The following PDE5A variants were observed in gnomAD, a reference collection of about 807,000 sequenced individuals.
PDE5A encodes phosphodiesterase 5A.
Under a neutral mutation model 110.2 loss-of-function variants are expected in PDE5A, and 67 were observed. The ratio of observed to expected loss-of-function variants is 0.61; its 90% CI spans 0.50 to 0.75. The LOEUF (loss-of-function observed/expected upper bound fraction) is 0.75, where lower values mean the gene tolerates loss of function less well. Among genes scored for constraint, PDE5A ranks in the 30% least tolerant of loss-of-function variants. PDE5A has a pLI of 0.00. For missense variants in PDE5A, 862 were observed against 1,045.1 expected (o/e 0.82, Z 2.42); for synonymous variants, 328 against 351.2 (o/e 0.93, Z 0.74).
intron 7 of PDE5A, among the ~76,000 whole-genome samples, chr4:119,558,221 TC>T (rs1727612365): frequency 6.6e-6 from 1 of 152,212 alleles, no homozygotes; most frequent in South Asian, 2.1e-4. Flanking sequence ...CTATGCTTTA[TC>T]CCTTTTATGA....
intron 7 of PDE5A, among the ~76,000 whole-genome samples, chr4:119,559,888 G>C (rs912505713): frequency 5.9e-5 from 9 of 152,156 alleles, no homozygotes; most frequent in Admixed American, 3.3e-4. Flanking sequence ...TATCTCCCTT[G>C]ACTACTCACT....
chr4:119,597,124 C>T (rs1185414418), intron 2 of PDE5A, among the ~76,000 whole-genome samples: 4 of 152,076 alleles, frequency 2.6e-5, no homozygotes, highest in African/African-American at 9.7e-5. Context: ...AGATTGTAAA[C>T]AATCCTTTAA....
rs1726297781 is a variant in PDE5A at position 119,525,844 on chromosome 4, G to A, written c.1633-149C>T. 1 of 668,804 alleles carries A rather than the reference G, an allele frequency of 1.5e-6. No homozygotes were observed. Among genetic ancestry groups the A allele is most frequent in the East Asian group, 2.8e-5 (1 of 35,786 alleles). The allele number at this position is 668,804 out of a possible 1,614,324, so 41.4% of individuals were successfully genotyped here. A position where few individuals can be genotyped will look rare whatever the true frequency, so the allele number is the denominator to read the frequency against. On this transcript the variant is annotated intron_variant, in intron 11 of 20. Transcript: ENST00000354960. The surrounding 1 kb of genome is among the most constrained non-coding windows in gnomAD (Gnocchi z 4.3). ...ACACTAGAAACCTTTTTGTACAGTG[G>A]CAACTCCACTCTCTGCATTTTTAAA...
chr4:119,604,845 G>A (rs183749220), intron 2 of PDE5A, among the ~76,000 whole-genome samples: 18 of 152,106 alleles, frequency 1.2e-4, no homozygotes, highest in Admixed American at 3.3e-4. Flanking sequence ...AAAAGTAATC[G>A]CAGTTTTTGC....
At chr4:119,582,721 T>C (rs1042959907) in intron 3 of PDE5A, among the ~76,000 whole-genome samples, 3 of 152,214 alleles carry the variant, frequency 2.0e-5, no homozygotes, top group Non-Finnish European at 4.4e-5. Flanking sequence ...TCAGCAGGCA[T>C]GAAAACGACA....
intron 1 of PDE5A, among the ~76,000 whole-genome samples, chr4:119,610,222 T>A (rs1290776783): frequency 6.6e-6 from 1 of 152,202 alleles, no homozygotes; most frequent in Non-Finnish European, 1.5e-5. Flanking sequence ...TGGGATTTGC[T>A]TATGTAGCCC....
At chr4:119,617,210 T>C (rs1578832064) in intron 1 of PDE5A, among the ~76,000 whole-genome samples, 1 of 152,270 alleles carries the variant, frequency 6.6e-6, no homozygotes, top group South Asian at 2.1e-4. Context: ...CTACACCTTA[T>C]GTTTTGGGTT....
At chr4:119,523,944 G>T (rs1241188400) in intron 12 of PDE5A, among the ~76,000 whole-genome samples, 1 of 151,946 alleles carries the variant, frequency 6.6e-6, no homozygotes, top group Non-Finnish European at 1.5e-5. Context: ...CTCCAAATGA[G>T]ATCTTCATCT....
At chr4:119,499,747 G>C (rs975380302) in intron 20 of PDE5A, 1 of 152,034 alleles carries the variant, frequency 6.6e-6, no homozygotes, top group Non-Finnish European at 1.5e-5. Flanking sequence ...TGTAGGGATG[G>C]GGTTTCACCA....
At chr4:119,536,906 A>G (rs988422375) in intron 11 of PDE5A, among the ~76,000 whole-genome samples, 2 of 152,170 alleles carry the variant, frequency 1.3e-5, no homozygotes, top group Non-Finnish European at 2.9e-5. Flanking sequence ...CAAAATGCTA[A>G]CAATACTGAT....
chr4:119,618,516 T>C lies in PDE5A; in HGVS notation c.152+10004A>G, dbSNP rs926191601. On this transcript the variant is annotated intron_variant, in intron 1 of 20. Coordinates refer to ENST00000354960, the MANE Select transcript of PDE5A (RefSeq NM_001083.4). Reference sequence around the variant, plus strand: ...CCTCAGACTAATATCTACACTTACATATAACAAAATTTTCTGAATTTCATA... The same window carrying C: ...CCTCAGACTAATATCTACACTTACACATAACAAAATTTTCTGAATTTCATA... Among the ~76,000 whole-genome samples the C allele has an allele frequency of 5.3e-5, 8 of 152,218 alleles. No individual in the cohort carries two copies. The East Asian group carries it at 1.5e-3, about 29-fold the overall frequency.
At chr4:119,568,229 AG>A (rs1330534427) in intron 3 of PDE5A, among the ~76,000 whole-genome samples, 19 of 151,896 alleles carry the variant, frequency 1.3e-4, no homozygotes, top group African/African-American at 4.4e-4. Flanking sequence ...CATTTCCCTT[AG>A]AGCAACTCTC....
chr4:119,546,864 T>C (rs1043903785), intron 9 of PDE5A, among the ~76,000 whole-genome samples: 7 of 152,102 alleles, frequency 4.6e-5, no homozygotes, highest in South Asian at 2.1e-4. Flanking sequence ...TTTTTTTCCA[T>C]TGTTTTCTAA....
At position 119,571,211 on chromosome 4, in the gene PDE5A, G is replaced by C. The variant is rs75515944; in HGVS notation, c.832-4067C>G. Among the ~76,000 whole-genome samples the C allele has an allele frequency of 5.0e-3, 760 of 152,264 alleles. 11 individuals carry two copies. Among genetic ancestry groups the C allele is most frequent in the African/African-American group, 0.018 (730 of 41,542 alleles). ...AATCCTAAGGAATCATCAAGTTATG[G>C]TAATATTCCATGTGGTAGGCAAATA... On this transcript the variant is annotated intron_variant, in intron 3 of 20. Transcript: ENST00000354960.
chr4:119,593,249 T>G (rs1729041826), intron 3 of PDE5A, among the ~76,000 whole-genome samples: 1 of 152,204 alleles, frequency 6.6e-6, no homozygotes, highest in Non-Finnish European at 1.5e-5. Flanking sequence ...TGTGAAAGCA[T>G]AAGTCCACAC....
intron 18 of PDE5A, among the ~76,000 whole-genome samples, chr4:119,504,042 A>G (rs987506371): frequency 7.2e-5 from 11 of 152,040 alleles, no homozygotes; most frequent in Admixed American, 2.6e-4. Context: ...TAGTATACCC[A>G]TTACCCAAAC....
intron 4 of PDE5A, among the ~76,000 whole-genome samples, chr4:119,566,341 G>A (rs1727932697): frequency 6.6e-6 from 1 of 152,022 alleles, no homozygotes. Context: ...TAATTTTCAG[G>A]GGAACAACAT....
At chr4:119,504,392 T>C (rs894244424) in intron 18 of PDE5A, 144 bp downstream of exon 18, 2 of 592,042 alleles carry the variant, frequency 3.4e-6, no homozygotes, top group Non-Finnish European at 5.8e-6. Flanking sequence ...TGCTATTATA[T>C]AATAAATGGT....
chr4:119,504,670 A>G (rs1281290058), intron 17 of PDE5A, 71 bp from the exon 18 acceptor site: 7 of 1,256,280 alleles, frequency 5.6e-6, no homozygotes, highest in Non-Finnish European at 7.9e-6. Flanking sequence ...GTAAATAGTT[A>G]CTAATAAAAA....
Sources: gnomAD v4.1 joint callset for allele counts (sites outside exome capture counted in the v4.1 genomes callset) on GRCh38, gnomAD v4.1.1 for gene constraint, Gnocchi (gnomAD v3.1) non-coding constraint, MANE v1.5 for transcripts, NCBI Gene and HGNC (gene_info 2026-07-23, HGNC 2026-07-21) for gene names.